Variants in GLB1 observed in about 807,000 individuals in gnomAD.
GLB1 encodes galactosidase beta 1.
A neutral mutation model predicts 74.0 loss-of-function variants in GLB1; 56 were observed. That is an observed-to-expected ratio of 0.76 (90% CI 0.61 to 0.94). The LOEUF is 0.94. Among genes scored for constraint, GLB1 ranks in the 40% least tolerant of loss-of-function variants. The probability of loss-of-function intolerance (pLI) is 0.00; values close to 1 mark genes in which losing one functional copy is unlikely to be tolerated. For missense variants in GLB1, 787 were observed against 845.5 expected (o/e 0.93, Z 0.86); for synonymous variants, 323 against 323.6 (o/e 1.00, Z 0.02).
Position 33,014,042 on chromosome 3 carries a change from A to T in GLB1, c.1734+14T>A. On this transcript the variant is annotated intron_variant, in intron 15 of 15. Transcript: ENST00000307363. ...TTAGGCCTGAATTCAAACCCTTCCC[A>T]TGAAGACACGTACCTTGGTCCATCC... is the stretch of plus-strand genomic sequence containing the variant. The T allele has an allele frequency of 1.2e-6, 2 of 1,614,162 alleles. No homozygotes were observed.
chr3:33,093,051 G>C lies in GLB1; in HGVS notation c.75+3960C>G. On this transcript the variant is annotated intron_variant, in intron 1 of 15. Transcript: ENST00000307363. This position sits in a 1 kb window ranked among gnomAD's most constrained non-coding sequence, Gnocchi z 6.0. ...CCCAGAAAGGATCAGGTTAATATCT[G>C]GCCGAGCCTGGAGAGCTCTCTTGGC... is the stretch of plus-strand genomic sequence containing the variant. The C allele has an allele frequency of 1.2e-6, 2 of 1,614,236 alleles. No homozygotes were observed. Among genetic ancestry groups the C allele is most frequent in the Non-Finnish European group, 1.7e-6 (2 of 1,180,032 alleles).
In GLB1 at chr3:33,052,236, A is replaced by G. The variant is rs550068706; in HGVS notation, c.793-232T>C. On this transcript the variant is annotated intron_variant, in intron 7 of 15. Transcript: ENST00000307363. ...ATCTTATACAATGCAAGTATTCCTG[A>G]AAAGTGGTGCCTATATTAAAATTTA... is the stretch of plus-strand genomic sequence containing the variant. 1.8e-4 allele frequency among the ~76,000 whole-genome samples: 27 copies of G among 152,314 alleles called. 1 individual carries two copies. In the South Asian group the frequency reaches 5.6e-3, roughly 32 times the overall value.
intron 10 of GLB1, chr3:33,034,693 T>G (rs1364721949): frequency 1.4e-6 from 1 of 725,464 alleles, no homozygotes; most frequent in Non-Finnish European, 2.6e-6. Context: ...GTGGAGACAA[T>G]AAGGTGACCC....
At chr3:33,073,342 C>A (rs1206418054) in intron 1 of GLB1, among the ~76,000 whole-genome samples, 2 of 152,114 alleles carry the variant, frequency 1.3e-5, no homozygotes, top group African/African-American at 2.4e-5. Context: ...TGGGCCATGA[C>A]CTGATTTGTG....
intron 15 of GLB1, among the ~76,000 whole-genome samples, chr3:33,005,403 C>T (rs1696744883): frequency 6.6e-6 from 1 of 152,228 alleles, no homozygotes; most frequent in African/African-American, 2.4e-5. Flanking sequence ...CTTATAATTT[C>T]TTCCTCTCCA....
Position 33,093,473 on chromosome 3 carries a change from C to T in GLB1, c.75+3538G>A. The T allele has an allele frequency of 1.2e-6, 2 of 1,614,158 alleles. No individual in the cohort carries two copies. The highest frequency in any genetic ancestry group is 1.7e-6 in the Non-Finnish European group (2 of 1,180,028). On this transcript the variant is annotated intron_variant, in intron 1 of 15. Coordinates refer to ENST00000307363, the MANE Select transcript of GLB1 (RefSeq NM_000404.4). The surrounding 1 kb of genome is among the most constrained non-coding windows in gnomAD (Gnocchi z 6.0). ...AGTCGGAGAGGTCACCCACAATCAC[C>T]GTGATGTCTGGTTCCAGCACATTCA...
At chr3:33,046,302 T>A in intron 9 of GLB1, 70 bp from the exon 10 acceptor site, 1 of 1,567,624 alleles carries the variant, frequency 6.4e-7, no homozygotes, top group Non-Finnish European at 8.8e-7. Context: ...TTGGGATCCA[T>A]GAGCTCAGCA....
intron 15 of GLB1, among the ~76,000 whole-genome samples, chr3:33,004,029 CA>C (rs1252059060): frequency 5.8e-4 from 82 of 141,568 alleles, no homozygotes; most frequent in Admixed American, 6.3e-4. Flanking sequence ...GACTCCATTT[CA>C]AAAAAAAAAA....
At chr3:32,989,172 T>C in the GLB1 span, among the ~76,000 whole-genome samples, 4 of 152,018 alleles carry the variant, frequency 2.6e-5, no homozygotes, top group South Asian at 2.1e-4. Flanking sequence ...ACCAGGGAAG[T>C]TGTGATGTTC....
At chr3:33,014,962 A>T (rs1420667333) in intron 14 of GLB1, among the ~76,000 whole-genome samples, 2 of 152,140 alleles carry the variant, frequency 1.3e-5, no homozygotes, top group Non-Finnish European at 2.9e-5. Context: ...GCGACACTCC[A>T]TCTCAAAACA....
At chr3:32,995,828 G>C (rs994059434), downstream of GLB1, among the ~76,000 whole-genome samples, 5 of 123,240 alleles carry the variant, frequency 4.1e-5, no homozygotes, top group African/African-American at 1.2e-4. Context: ...CTGGGCAACA[G>C]AGCAAGACCC....
Position 33,092,684 on chromosome 3 carries a change from TAA to T in GLB1, c.75+4325_75+4326del. ...CTGAACATGCCAGGCAGGCCCACCA[TAA>T]GTCACTGTTTGAGTCAGGCTTGTGA... On this transcript the variant is annotated intron_variant, in intron 1 of 15. Coordinates refer to ENST00000307363, the MANE Select transcript of GLB1 (RefSeq NM_000404.4). 8 of 1,424,960 alleles carry T rather than the reference TAA, an allele frequency of 5.6e-6. No homozygotes were observed. In the African/African-American group the frequency reaches 5.7e-5, roughly 10 times the overall value. The allele number at this position is 1,424,960 out of a possible 1,614,324, so 88.3% of individuals were successfully genotyped here.
Position 33,046,201 on chromosome 3 carries a change from G to T in GLB1, c.987C>A (p.Thr329=), listed in dbSNP as rs777781037. 6.2e-7 allele frequency: 1 copy of T among 1,613,924 alleles called. No homozygotes were observed. Among genetic ancestry groups the T allele is most frequent in the African/African-American group, 1.3e-5 (1 of 74,892 alleles). The change falls in exon 10 of 16, where the codon ACC becomes ACA. Residue 329 remains threonine (T), a synonymous_variant. Coordinates refer to ENST00000307363, the MANE Select transcript of GLB1 (RefSeq NM_000404.4). ...GANSPYAAQP[T]SYDYDAPLSE... The stretch of plus-strand genomic sequence containing the variant: ...TCAGTGGGGCATCATAGTCGTAGCT[G>T]GTGGGCTGTGCTGCATAGGGTGAGT...
chr3:32,962,202 A>AG, the GLB1 span, among the ~76,000 whole-genome samples: 16 of 151,246 alleles, frequency 1.1e-4, no homozygotes, highest in East Asian at 1.4e-3. Flanking sequence ...TTAAAAAAAA[A>AG]AGAGAGTCTG....
chr3:33,090,356 G>A lies in GLB1; in HGVS notation c.75+6655C>T, dbSNP rs899512351. On this transcript the variant is annotated intron_variant, in intron 1 of 15. Transcript: ENST00000307363. The stretch of plus-strand genomic sequence containing the variant: ...CATGCTTGTTAAAGCTGGGAGAGAG[G>A]TACATGTACGAAAAGTTTAAAACAA... 5.0e-5 allele frequency: 49 copies of A among 970,400 alleles called. No individual in the cohort carries two copies. The Middle Eastern group carries it at 2.1e-3, about 42-fold the overall frequency. 60.1% of individuals were successfully genotyped at this position (970,400 alleles called of 1,614,324 possible). A position where few individuals can be genotyped will look rare whatever the true frequency, so the allele number is the denominator to read the frequency against.
At chr3:33,053,929 C>T (rs1699107897) in intron 6 of GLB1, among the ~76,000 whole-genome samples, 1 of 152,160 alleles carries the variant, frequency 6.6e-6, no homozygotes, top group Non-Finnish European at 1.5e-5. Flanking sequence ...AGGAGAATTG[C>T]TTGAACCCGG....
chr3:33,027,404 C>T (rs553590416), intron 10 of GLB1, among the ~76,000 whole-genome samples: 60 of 152,374 alleles, frequency 3.9e-4, no homozygotes, highest in South Asian at 1.0e-3. Flanking sequence ...AAGCATGAAC[C>T]GAGTGCAGCC....
At chr3:33,088,865 T>C (rs548444130) in intron 1 of GLB1, among the ~76,000 whole-genome samples, 1 of 152,200 alleles carries the variant, frequency 6.6e-6, no homozygotes, top group Non-Finnish European at 1.5e-5. Context: ...GAAAGACTCA[T>C]ACCTCCTGAT....
intron 6 of GLB1, among the ~76,000 whole-genome samples, chr3:33,055,710 G>T (rs1303938236): frequency 6.6e-6 from 1 of 150,480 alleles, no homozygotes; most frequent in African/African-American, 2.4e-5. Flanking sequence ...CTCATGATCC[G>T]CCTGCCTTGG....
Sources: allele counts gnomAD v4.1 joint callset (sites outside exome capture counted in the v4.1 genomes callset), GRCh38; gene constraint gnomAD v4.1.1; non-coding constraint Gnocchi (gnomAD v3.1); transcripts MANE v1.5; gene names NCBI Gene and HGNC (gene_info 2026-07-23, HGNC 2026-07-21).